Variants in DYNC2H1 observed in about 807,000 individuals in gnomAD.
DYNC2H1 encodes the protein cytoplasmic dynein 2 heavy chain 1.
A neutral mutation model predicts 570.0 loss-of-function variants in DYNC2H1; 410 were observed. The ratio of observed to expected loss-of-function variants is 0.72; its 90% CI spans 0.66 to 0.78. DYNC2H1 has a LOEUF of 0.78. DYNC2H1 is among the 30% of genes least tolerant of loss of function. DYNC2H1 has a pLI of 0.00. For missense variants in DYNC2H1, 4,865 were observed against 5,046.4 expected (o/e 0.96, Z 1.09); for synonymous variants, 1,688 against 1,677.6 (o/e 1.01, Z -0.15).
At chr11:103,366,234 C>T (rs1263052992) in intron 83 of DYNC2H1, among the ~76,000 whole-genome samples, 1 of 152,162 alleles carries the variant, frequency 6.6e-6, no homozygotes, top group Non-Finnish European at 1.5e-5. Context: ...AGCAGTATGT[C>T]AGGCATTTAC....
intron 12 of DYNC2H1, among the ~76,000 whole-genome samples, chr11:103,128,483 G>T (rs956388045): frequency 6.6e-6 from 1 of 152,112 alleles, no homozygotes; most frequent in Admixed American, 6.5e-5. Flanking sequence ...GAATATGAGA[G>T]AAGCATTAAG....
intron 52 of DYNC2H1, among the ~76,000 whole-genome samples, chr11:103,207,417 A>T (rs530667856): frequency 6.6e-6 from 1 of 152,202 alleles, no homozygotes; most frequent in African/African-American, 2.4e-5. Context: ...GGCATTTCCT[A>T]TGAGAATGGA....
At position 103,433,784 on chromosome 11, in the gene DYNC2H1, T is replaced by G. The variant is rs182365151; in HGVS notation, c.12367-2159T>G. 2.6e-3 allele frequency among the ~76,000 whole-genome samples: 396 copies of G among 152,232 alleles called. 4 individuals carry two copies. Among genetic ancestry groups the G allele is most frequent in the African/African-American group, 8.8e-3 (364 of 41,538 alleles). On this transcript the variant is annotated intron_variant, in intron 84 of 88. Transcript: ENST00000375735. ...AAAGTATGGATGAGGCTTTTTGGGT[T>G]TGATTCCTCAAAAATAACCGCATAA...
In DYNC2H1 at chr11:103,326,806, C is replaced by G. The variant is rs1487676734; in HGVS notation, c.12039+2816C>G. Among the ~76,000 whole-genome samples the G allele has an allele frequency of 1.3e-5, 2 of 152,194 alleles. No homozygotes were observed. Among genetic ancestry groups the G allele is most frequent in the African/African-American group, 4.8e-5 (2 of 41,446 alleles). ...GCCTGCTGTCTCTTGGCCTGGCAGT[C>G]AGCTGATGCTAGAGCCTCTAGGAGG... On this transcript the variant is annotated intron_variant, in intron 82 of 88. Coordinates refer to ENST00000375735, the MANE Select transcript of DYNC2H1 (RefSeq NM_001377.3). This position sits in a 1 kb window ranked among gnomAD's most constrained non-coding sequence, Gnocchi z 6.1.
chr11:103,251,442 CATTAT>C (rs1479379699), intron 65 of DYNC2H1, among the ~76,000 whole-genome samples: 1 of 152,020 alleles, frequency 6.6e-6, no homozygotes, highest in Non-Finnish European at 1.5e-5. Flanking sequence ...AGATTTACAG[CATTAT>C]ATTATGAGAT....
chr11:103,391,405 T>G (rs1418461774), intron 83 of DYNC2H1, among the ~76,000 whole-genome samples: 1 of 152,208 alleles, frequency 6.6e-6, no homozygotes, highest in Non-Finnish European at 1.5e-5. Flanking sequence ...CATCTAATCT[T>G]TTTTCAAGGT....
intron 80 of DYNC2H1, among the ~76,000 whole-genome samples, chr11:103,320,487 T>A (rs1938121121): frequency 6.6e-6 from 1 of 152,232 alleles, no homozygotes; most frequent in African/African-American, 2.4e-5. Context: ...AGTGGATAGT[T>A]GACTATGTAA....
Position 103,257,593 on chromosome 11 carries a change from T to C in DYNC2H1, c.10462-15T>C. On this transcript the variant is annotated splice_polypyrimidine_tract_variant and intron_variant, in intron 68 of 88. Transcript: ENST00000375735. ...GTGTTTCCACCCTATCCCCTACTGATCTCTTGATCCATAGGAACGGGATGC... is the reference window on the plus strand; with the variant it reads ...GTGTTTCCACCCTATCCCCTACTGACCTCTTGATCCATAGGAACGGGATGC... The C allele has an allele frequency of 1.9e-6, 3 of 1,603,420 alleles. No homozygotes were observed. In the South Asian group the frequency reaches 3.4e-5, roughly 18 times the overall value.
At chr11:103,375,601 G>A (rs1415275104) in intron 83 of DYNC2H1, among the ~76,000 whole-genome samples, 1 of 152,236 alleles carries the variant, frequency 6.6e-6, no homozygotes, top group African/African-American at 2.4e-5. Context: ...TTGAGACATG[G>A]AGTCAAAGGA....
chr11:103,448,100 A>G (rs12576549), intron 85 of DYNC2H1, among the ~76,000 whole-genome samples: 9,121 of 152,214 alleles, frequency 0.06, 471 homozygotes, highest in East Asian at 0.2. Flanking sequence ...TGCAGGTTCT[A>G]TGCTTACTAT....
intron 75 of DYNC2H1, among the ~76,000 whole-genome samples, chr11:103,295,806 G>A (rs1866797924): frequency 6.6e-6 from 1 of 152,128 alleles, no homozygotes; most frequent in African/African-American, 2.4e-5. Context: ...CTGTAATCCT[G>A]CTTCAAGTTA....
rs1347863011 is a variant in DYNC2H1 at position 103,191,438 on chromosome 11, TCTAA to T, written c.7438-78_7438-75del. On this transcript the variant is annotated intron_variant, in intron 45 of 88. Transcript: ENST00000375735. The stretch of plus-strand genomic sequence containing the variant: ...AGGTAGAAATTGGTATTCCTCTGAG[TCTAA>T]GGAGACTGAAAAATTTATAACATGA... The T allele has an allele frequency of 7.3e-5, 79 of 1,081,796 alleles. No homozygotes were observed. In the East Asian group the frequency reaches 1.6e-3, roughly 22 times the overall value. 67.0% of individuals were successfully genotyped at this position (1,081,796 alleles called of 1,614,324 possible). A position where few individuals can be genotyped will look rare whatever the true frequency, so the allele number is the denominator to read the frequency against.
intron 82 of DYNC2H1, among the ~76,000 whole-genome samples, chr11:103,350,318 ATTG>A (rs140453855): frequency 0.052 from 7,866 of 152,188 alleles, 383 homozygotes; most frequent in East Asian, 0.19. Flanking sequence ...AGTATTATAA[ATTG>A]TTTTTTTCTG....
chr11:103,376,646 T>G (rs1277452582), intron 83 of DYNC2H1, among the ~76,000 whole-genome samples: 1 of 152,230 alleles, frequency 6.6e-6, no homozygotes, highest in African/African-American at 2.4e-5. Context: ...GATGGGTTCC[T>G]TAGCCACTAT....
intron 83 of DYNC2H1, among the ~76,000 whole-genome samples, chr11:103,373,678 T>C (rs1217724024): frequency 1.3e-5 from 2 of 152,216 alleles, no homozygotes; most frequent in African/African-American, 4.8e-5. Flanking sequence ...TTGGATGGAA[T>C]GTTCTATAAA....
At chr11:103,283,880 T>G (rs1171358827) in intron 73 of DYNC2H1, among the ~76,000 whole-genome samples, 3 of 152,146 alleles carry the variant, frequency 2.0e-5, no homozygotes, top group Admixed American at 2.0e-4. Context: ...ATCCTCCATT[T>G]TTTTTTCATT....
At chr11:103,431,340 A>G (rs1943885760) in intron 84 of DYNC2H1, among the ~76,000 whole-genome samples, 1 of 152,090 alleles carries the variant, frequency 6.6e-6, no homozygotes, top group Non-Finnish European at 1.5e-5. Flanking sequence ...ATGGTTTAAT[A>G]TGTATAAATC....
intron 78 of DYNC2H1, among the ~76,000 whole-genome samples, chr11:103,311,675 C>T (rs1366880059): frequency 1.4e-5 from 2 of 143,716 alleles, no homozygotes; most frequent in East Asian, 3.9e-4. Flanking sequence ...AATAATTATT[C>T]TGTATTTATA....
At chr11:103,116,826 T>G in intron 5 of DYNC2H1, 112 bp downstream of exon 5, 1 of 869,278 alleles carries the variant, frequency 1.2e-6, no homozygotes, top group South Asian at 3.2e-5. Context: ...CTGTAACTCT[T>G]AAAGCAAATC....
Sources: allele counts gnomAD v4.1 joint callset (sites outside exome capture counted in the v4.1 genomes callset), GRCh38; gene constraint gnomAD v4.1.1; non-coding constraint Gnocchi (gnomAD v3.1); transcripts MANE v1.5; gene names NCBI Gene and HGNC (gene_info 2026-07-23, HGNC 2026-07-21).